Variants in CD1C observed in about 807,000 individuals in gnomAD.
The protein encoded by CD1C is T-cell surface glycoprotein CD1c.
CD1C carries 47 observed loss-of-function variants against 39.4 expected under a neutral mutation model. The observed-to-expected ratio is 1.19, with a 90% CI of 0.94 to 1.52. The LOEUF is 1.52. Ranked by LOEUF, CD1C falls within the 40% of genes most tolerant of loss-of-function variation. The pLI, the probability that CD1C is intolerant of heterozygous loss-of-function variation, is 0.00. For missense variants in CD1C, 417 were observed against 395.2 expected (o/e 1.06, Z -0.47); for synonymous variants, 165 against 150.8 (o/e 1.09, Z -0.69).
At position 158,290,056 on chromosome 1, in the gene CD1C, G is replaced by A; in HGVS notation, c.-9G>A. On this transcript the variant is annotated 5_prime_UTR_variant, in exon 1 of 6. Transcript: ENST00000368170. ...GCTTTTCTGAGAGAAAGAAACATCT[G>A]CAAATGACATGCTGTTTCTGCAGTT... The A allele has an allele frequency of 6.2e-7, 1 of 1,613,372 alleles. No homozygotes were observed. The highest frequency in any genetic ancestry group is 1.7e-5 in the Admixed American group (1 of 60,006).
intron 1 of CD1C, among the ~76,000 whole-genome samples, 171 bp downstream of exon 1, chr1:158,290,296 G>T (rs1330254461): frequency 6.6e-6 from 1 of 152,122 alleles, no homozygotes. Flanking sequence ...TCTGTGTAAG[G>T]AAAATGTTAT....
At position 158,293,670 on chromosome 1, in the gene CD1C, C is replaced by A; in HGVS notation, c.*194C>A. The A allele has an allele frequency of 7.8e-7, 1 of 1,289,566 alleles. No homozygotes were observed. The allele number at this position is 1,289,566 out of a possible 1,614,324, so 79.9% of individuals were successfully genotyped here. A position where few individuals can be genotyped will look rare whatever the true frequency, so the allele number is the denominator to read the frequency against. Reference sequence around the variant, plus strand: ...TCTCCACTTTTTATATAGCACTCAACCTTCAAAGCCCATTTCTGATGTCAT... The same window carrying A: ...TCTCCACTTTTTATATAGCACTCAAACTTCAAAGCCCATTTCTGATGTCAT... On this transcript the variant is annotated 3_prime_UTR_variant, in exon 6 of 6. Transcript: ENST00000368170.
rs1650979522 is a variant in CD1C, at chr1:158,290,095, CT to C, written c.33del (p.Leu12PhefsTer54). 1 of 1,613,804 alleles carries C rather than the reference CT, an allele frequency of 6.2e-7. No homozygotes were observed. Among genetic ancestry groups the C allele is most frequent in the African/African-American group, 1.3e-5 (1 of 74,862 alleles). On this transcript the variant is annotated frameshift_variant, in exon 1 of 6. Coordinates refer to ENST00000368170, the MANE Select transcript of CD1C (RefSeq NM_001765.3). LOFTEE classifies it high-confidence loss of function. MLFLQFLLLA[L>X]LLPGGDNADA... is the part of the protein sequence containing the mutation. ...GTTTCTGCAGTTTCTGCTGCTAGCTCTTCTTCTCCCAGGTGGTGACAATGCA... is the reference window on the plus strand; with the variant it reads ...GTTTCTGCAGTTTCTGCTGCTAGCTCTCTTCTCCCAGGTGGTGACAATGCA...
chr1:158,291,648 G>T (rs1038064574), intron 2 of CD1C, among the ~76,000 whole-genome samples: 1 of 151,980 alleles, frequency 6.6e-6, no homozygotes, highest in African/African-American at 2.4e-5. Context: ...CTACAATCCA[G>T]AGATACACAG....
chr1:158,293,756 C>T lies in CD1C; in HGVS notation c.*280C>T. ...CAGAGAGCCCCTCAACTGTTATGTG[C>T]ATGCAACACTTCCTACCCTGTGTTG... On this transcript the variant is annotated 3_prime_UTR_variant, in exon 6 of 6. Transcript: ENST00000368170. The T allele has an allele frequency of 1.6e-6, 1 of 624,612 alleles. No homozygotes were observed. The allele number at this position is 624,612 out of a possible 1,614,324, so 38.7% of individuals were successfully genotyped here.
In CD1C at chr1:158,292,073, C is replaced by T. The variant is rs1435426977; in HGVS notation, c.329-11C>T. 1.2e-6 allele frequency: 2 copies of T among 1,601,690 alleles called. No homozygotes were observed. Among genetic ancestry groups the T allele is most frequent in the African/African-American group, 1.3e-5 (1 of 74,188 alleles). On this transcript the variant is annotated splice_polypyrimidine_tract_variant and intron_variant, in intron 2 of 5. Coordinates refer to ENST00000368170, the MANE Select transcript of CD1C (RefSeq NM_001765.3). The stretch of plus-strand genomic sequence containing the variant: ...GTTTGAACTCTTTTTCTCATTCCTC[C>T]CTTCCTCCAGATCCCTTTGAAGTAC...
chr1:158,292,550 T>G (rs781278698), intron 3 of CD1C, 46 bp from the exon 4 acceptor site: 4 of 1,591,396 alleles, frequency 2.5e-6, no homozygotes, highest in Admixed American at 1.7e-5. Flanking sequence ...TGGATGTAAG[T>G]TGTGTGTAAG....
chr1:158,292,479 G>C (rs926638330), intron 3 of CD1C, 114 bp downstream of exon 3: 1 of 1,489,540 alleles, frequency 6.7e-7, no homozygotes, highest in African/African-American at 1.4e-5. Flanking sequence ...GGGTTGCTGG[G>C]TAATAGTTTC....
At chr1:158,292,916 C>G (rs1178261109) in intron 4 of CD1C, 42 bp downstream of exon 4, 1 of 1,599,866 alleles carries the variant, frequency 6.3e-7, no homozygotes, top group East Asian at 2.2e-5. Context: ...GGTTCTTGAG[C>G]CTAGAGGTTA....
chr1:158,291,479 C>G, intron 2 of CD1C, 79 bp downstream of exon 2: 1 of 1,423,370 alleles, frequency 7.0e-7, no homozygotes, highest in Non-Finnish European at 9.8e-7. Flanking sequence ...ATTTTTGGGC[C>G]ATTTCCCATT....
chr1:158,293,555 G>A lies in CD1C; in HGVS notation c.*79G>A, dbSNP rs374456855. On this transcript the variant is annotated 3_prime_UTR_variant, in exon 6 of 6. Transcript: ENST00000368170. ...TAGTACAATATAGTGATGCCATCCCGTCGACTCTCCATTTAAATTGTTTCT... is the reference window on the plus strand; with the variant it reads ...TAGTACAATATAGTGATGCCATCCCATCGACTCTCCATTTAAATTGTTTCT... 1,325 of 1,613,602 alleles carry A rather than the reference G, an allele frequency of 8.2e-4. 3 individuals carry two copies. Among genetic ancestry groups the A allele is most frequent in the Non-Finnish European group, 1.1e-3 (1,261 of 1,179,806 alleles).
At chr1:158,292,452 G>T in intron 3 of CD1C, 87 bp downstream of exon 3, 1 of 1,511,708 alleles carries the variant, frequency 6.6e-7, no homozygotes, top group East Asian at 2.3e-5. Context: ...GGACAAGAAA[G>T]AGGACAAGAA....
intron 2 of CD1C, 134 bp downstream of exon 2, chr1:158,291,534 G>C: frequency 1.1e-6 from 1 of 874,240 alleles, no homozygotes; most frequent in Non-Finnish European, 1.7e-6. Flanking sequence ...CCTTTTAAGG[G>C]ATATTCCTGA....
chr1:158,293,680 C>A lies in CD1C; in HGVS notation c.*204C>A. The A allele has an allele frequency of 8.1e-7, 1 of 1,241,158 alleles. No individual in the cohort carries two copies. The allele number at this position is 1,241,158 out of a possible 1,614,324, so 76.9% of individuals were successfully genotyped here. A position where few individuals can be genotyped will look rare whatever the true frequency, so the allele number is the denominator to read the frequency against. On this transcript the variant is annotated 3_prime_UTR_variant, in exon 6 of 6. Transcript: ENST00000368170. ...TTATATAGCACTCAACCTTCAAAGC[C>A]CATTTCTGATGTCATTTCCTCCAAC...
At position 158,293,563 on chromosome 1, in the gene CD1C, T is replaced by C. The variant is rs1402523699; in HGVS notation, c.*87T>C. 6.2e-7 allele frequency: 1 copy of C among 1,613,838 alleles called. No individual in the cohort carries two copies. Among genetic ancestry groups the C allele is most frequent in the South Asian group, 1.1e-5 (1 of 91,050 alleles). On this transcript the variant is annotated 3_prime_UTR_variant, in exon 6 of 6. Transcript: ENST00000368170. ...TATAGTGATGCCATCCCGTCGACTC[T>C]CCATTTAAATTGTTTCTCTTTCTGC...
Position 158,293,551 on chromosome 1 carries a change from T to A in CD1C, c.*75T>A, listed in dbSNP as rs773957867. ...AGCCTAGTACAATATAGTGATGCCATCCCGTCGACTCTCCATTTAAATTGT... is the reference window on the plus strand; with the variant it reads ...AGCCTAGTACAATATAGTGATGCCAACCCGTCGACTCTCCATTTAAATTGT... On this transcript the variant is annotated 3_prime_UTR_variant, in exon 6 of 6. Coordinates refer to ENST00000368170, the MANE Select transcript of CD1C (RefSeq NM_001765.3). 13 of 1,613,994 alleles carry A rather than the reference T, an allele frequency of 8.1e-6. No individual in the cohort carries two copies. In the Middle Eastern group the frequency reaches 5.0e-4, roughly 61 times the overall value.
In CD1C at chr1:158,293,256, C is replaced by G. The variant is rs753476158; in HGVS notation, c.934C>G (p.Pro312Ala). ...MNWIALVVIV[P>A]LVILIVLVLW... ...TTGGATTGCCTTGGTAGTGATAGTG[C>G]CCTTGGTGATTCTAATAGTCCTTGT... The change falls in exon 5 of 6, where the codon CCC becomes GCC. Residue 312 changes from proline (P) to alanine (A), a missense_variant. Physicochemically the swap from Pro to Ala is conservative, Grantham distance 27. Transcript: ENST00000368170. 1.2e-6 allele frequency: 2 copies of G among 1,613,912 alleles called. No homozygotes were observed. The highest frequency in any genetic ancestry group is 2.7e-5 in the African/African-American group (2 of 74,896).
At position 158,290,097 on chromosome 1, in the gene CD1C, T is replaced by A. The variant is rs1650979617; in HGVS notation, c.33T>A (p.Leu11=). The A allele has an allele frequency of 6.2e-7, 1 of 1,613,768 alleles. No individual in the cohort carries two copies. Among genetic ancestry groups the A allele is most frequent in the Non-Finnish European group, 8.5e-7 (1 of 1,179,932 alleles). ...TTCTGCAGTTTCTGCTGCTAGCTCT[T>A]CTTCTCCCAGGTGGTGACAATGCAG... The part of the protein sequence containing the change: MLFLQFLLLA[L]LLPGGDNADA... Residue 11 remains leucine, a synonymous_variant, in exon 1 of 6, where the codon CTT becomes CTA. Transcript: ENST00000368170.
chr1:158,293,926 T>C lies in CD1C; in HGVS notation c.*450T>C, dbSNP rs1306319886. Among the ~76,000 whole-genome samples the C allele has an allele frequency of 6.6e-6, 1 of 152,228 alleles. No homozygotes were observed. The highest frequency in any genetic ancestry group is 2.4e-5 in the African/African-American group (1 of 41,462). ...GTTGGATTAACTGTCATGTTGACAATTTTTCTCATTATATTCCTTCCCAAT... is the reference window on the plus strand; with the variant it reads ...GTTGGATTAACTGTCATGTTGACAACTTTTCTCATTATATTCCTTCCCAAT... On this transcript the variant is annotated 3_prime_UTR_variant, in exon 6 of 6. Transcript: ENST00000368170.
Sources: allele counts gnomAD v4.1 joint callset (sites outside exome capture counted in the v4.1 genomes callset), GRCh38; gene constraint gnomAD v4.1.1; transcripts MANE v1.5; gene names NCBI Gene and HGNC (gene_info 2026-07-23, HGNC 2026-07-21).